Variants in ITGA8 observed in about 807,000 individuals in gnomAD.
ITGA8 encodes the protein integrin alpha-8.
A neutral mutation model predicts 142.3 loss-of-function variants in ITGA8; 91 were observed. That is an observed-to-expected ratio of 0.64 (90% CI 0.54 to 0.76). The LOEUF is 0.76. Among genes scored for constraint, ITGA8 ranks in the 30% least tolerant of loss-of-function variants. The pLI, the probability that ITGA8 is intolerant of heterozygous loss-of-function variation, is 0.00. For synonymous variants in ITGA8, 505 were observed against 485.2 expected, an observed-to-expected ratio of 1.04 and a Z score of -0.54; for missense variants, 1,406 against 1,327.7, an observed-to-expected ratio of 1.06 and a Z score of -0.92.
intron 25 of ITGA8, among the ~76,000 whole-genome samples, chr10:15,561,637 G>A (rs571894042): frequency 6.6e-6 from 1 of 152,278 alleles, no homozygotes; most frequent in South Asian, 2.1e-4. Context: ...GAGAGAGGAA[G>A]AAGTTGAAGA....
chr10:15,619,184 C>A (rs1050523068), intron 13 of ITGA8, among the ~76,000 whole-genome samples: 1 of 152,174 alleles, frequency 6.6e-6, no homozygotes, highest in Non-Finnish European at 1.5e-5. Context: ...CTCTTCTCTA[C>A]CTTTACCAGT....
chr10:15,554,734 T>G (rs1447975428), intron 26 of ITGA8, among the ~76,000 whole-genome samples: 1 of 151,792 alleles, frequency 6.6e-6, no homozygotes, highest in Non-Finnish European at 1.5e-5. Flanking sequence ...TTTCTTTCTT[T>G]CTTTCTTTCT....
chr10:15,659,502 C>G (rs1421616764), intron 9 of ITGA8, among the ~76,000 whole-genome samples: 2 of 152,164 alleles, frequency 1.3e-5, no homozygotes, highest in Admixed American at 1.3e-4. Flanking sequence ...AACCGTGATG[C>G]TTTCTAGATA....
Position 15,687,950 on chromosome 10 carries a change from T to C in ITGA8, c.432A>G (p.Lys144=). 1 of 1,610,054 alleles carries C rather than the reference T, an allele frequency of 6.2e-7. No individual in the cohort carries two copies. The highest frequency in any genetic ancestry group is 8.5e-7 in the Non-Finnish European group (1 of 1,176,308). ...GGCTCATACTCACCACAACTTTTCC[T>C]TTGTGAGCTTTCACTGTTGCTCCAA... ...QWFGATVKAH[K]GKVVACAPLY... is the part of the protein sequence containing the mutation. The change falls in exon 3 of 30, where the codon AAA becomes AAG. Residue 144 remains lysine (K), a synonymous_variant. Transcript: ENST00000378076.
intron 13 of ITGA8, among the ~76,000 whole-genome samples, chr10:15,622,453 T>A (rs1037375): frequency 0.69 from 104,170 of 152,002 alleles, 36,896 homozygotes; most frequent in South Asian, 0.86. Context: ...TGAAACATGG[T>A]AGTGTCTATC....
At chr10:15,669,845 G>A (rs1369569389) in intron 8 of ITGA8, among the ~76,000 whole-genome samples, 2 of 152,160 alleles carry the variant, frequency 1.3e-5, no homozygotes, top group African/African-American at 2.4e-5. Context: ...GTGAACCGCA[G>A]ATGCTGCTGC....
At chr10:15,557,982 A>G (rs1454375024) in intron 26 of ITGA8, 92 bp downstream of exon 26, 4 of 1,499,266 alleles carry the variant, frequency 2.7e-6, no homozygotes, top group Non-Finnish European at 3.7e-6. Context: ...AAGGAGACCA[A>G]GAACAATCCT....
intron 2 of ITGA8, among the ~76,000 whole-genome samples, chr10:15,700,365 AC>A (rs1170624187): frequency 2.6e-5 from 4 of 152,022 alleles, no homozygotes; most frequent in Non-Finnish European, 5.9e-5. Flanking sequence ...CTGCAGACAC[AC>A]CAACTTCCTG....
At chr10:15,675,052 T>C (rs527709874) in intron 6 of ITGA8, among the ~76,000 whole-genome samples, 1 of 152,322 alleles carries the variant, frequency 6.6e-6, no homozygotes, top group South Asian at 2.1e-4. Context: ...TCTCAGATTC[T>C]ACTCTGTCCT....
chr10:15,610,566 G>A (rs1833275445), intron 15 of ITGA8, among the ~76,000 whole-genome samples: 2 of 152,120 alleles, frequency 1.3e-5, no homozygotes, highest in African/African-American at 4.8e-5. Flanking sequence ...AACTGTTTGT[G>A]GACAGTGCTT....
At chr10:15,689,624 G>A (rs935071937) in intron 2 of ITGA8, among the ~76,000 whole-genome samples, 1 of 152,176 alleles carries the variant, frequency 6.6e-6, no homozygotes, top group Non-Finnish European at 1.5e-5. Context: ...CCCCACTCCT[G>A]TGACCAGAGC....
intron 27 of ITGA8, among the ~76,000 whole-genome samples, chr10:15,546,933 A>T (rs775596880): frequency 2.6e-5 from 4 of 152,070 alleles, no homozygotes; most frequent in Non-Finnish European, 5.9e-5. Context: ...CAAAACTTTA[A>T]TTTCCCTCGT....
chr10:15,640,912 C>T (rs1260713450), intron 13 of ITGA8, among the ~76,000 whole-genome samples: 2 of 152,178 alleles, frequency 1.3e-5, no homozygotes, highest in African/African-American at 4.8e-5. Context: ...CCCCAAAGGC[C>T]ACAAGGGACT....
Position 15,677,627 on chromosome 10 carries a change from A to G in ITGA8, c.641T>C (p.Leu214Pro). The G allele has an allele frequency of 1.2e-6, 2 of 1,613,402 alleles. No individual in the cohort carries two copies. Among genetic ancestry groups the G allele is most frequent in the Non-Finnish European group, 1.7e-6 (2 of 1,179,682 alleles). Reference protein sequence around the residue: ...FSLDFYKNGDLIVGGPGSFYW... With the variant: ...FSLDFYKNGDPIVGGPGSFYW... ...GAAACTCCCAGGTCCTCCCACAATAAGGTCTCCATTCTACAAAACAGAAAC... is the reference window on the plus strand; with the variant it reads ...GAAACTCCCAGGTCCTCCCACAATAGGGTCTCCATTCTACAAAACAGAAAC... Residue 214 changes from leucine (L) to proline (P), a missense_variant, in exon 6 of 30, where the codon CTT (leucine) becomes CCT (proline). Physicochemically the swap from Leu to Pro is moderately conservative, Grantham distance 98. Coordinates refer to ENST00000378076, the MANE Select transcript of ITGA8 (RefSeq NM_003638.3).
rs547401440 is a variant in ITGA8, at chr10:15,517,217, G to T, written c.3133C>A (p.Pro1045Thr). ...TCCCTGTCGGTCATGTCCTCCTGAG[G>T]AGGTCTGGCTCTGTCAAAGAATCCA... ...KCGFFDRARPPQEDMTDREQL... is the reference protein window; with the variant it reads ...KCGFFDRARPTQEDMTDREQL... The change falls in exon 30 of 30, where the codon CCT (proline) becomes ACT (threonine). Residue 1045 changes from proline to threonine, a missense_variant. Physicochemically the swap from Pro to Thr is conservative, Grantham distance 38. Transcript: ENST00000378076. 6.2e-7 allele frequency: 1 copy of T among 1,613,430 alleles called. No homozygotes were observed. The highest frequency in any genetic ancestry group is 1.3e-5 in the African/African-American group (1 of 74,962).
At chr10:15,691,638 G>T (rs1048135029) in intron 2 of ITGA8, among the ~76,000 whole-genome samples, 1 of 152,128 alleles carries the variant, frequency 6.6e-6, no homozygotes, top group African/African-American at 2.4e-5. Flanking sequence ...CTTATATGTG[G>T]AATCTAAAAA....
In ITGA8 at chr10:15,608,197, A is replaced by G. The variant is rs148905059; in HGVS notation, c.1609+38T>C. The stretch of plus-strand genomic sequence containing the variant: ...GAAATGGTTACTGTTCAACTTTCTT[A>G]GTATACCATAAGAATGTAAAAATGA... On this transcript the variant is annotated intron_variant, in intron 16 of 29. Coordinates refer to ENST00000378076, the MANE Select transcript of ITGA8 (RefSeq NM_003638.3). The G allele has an allele frequency of 1.8e-4, 260 of 1,435,548 alleles. No individual in the cohort carries two copies. In the East Asian group the frequency reaches 5.5e-3, roughly 31 times the overall value. The allele number at this position is 1,435,548 out of a possible 1,614,324, so 88.9% of individuals were successfully genotyped here.
At chr10:15,566,960 C>G (rs1295166082) in intron 25 of ITGA8, among the ~76,000 whole-genome samples, 3 of 148,730 alleles carry the variant, frequency 2.0e-5, no homozygotes, top group East Asian at 4.0e-4. Flanking sequence ...GGGTTCGAGA[C>G]CAGCCTGGCC....
At chr10:15,668,067 G>T (rs1188489836) in intron 8 of ITGA8, among the ~76,000 whole-genome samples, 1 of 151,990 alleles carries the variant, frequency 6.6e-6, no homozygotes. Flanking sequence ...CAATTCCTGG[G>T]TATCCTTGTT....
Sources: gnomAD v4.1 joint callset for allele counts (sites outside exome capture counted in the v4.1 genomes callset) on GRCh38, gnomAD v4.1.1 for gene constraint, MANE v1.5 for transcripts, NCBI Gene and HGNC (gene_info 2026-07-23, HGNC 2026-07-21) for gene names.